The following DCC variants were observed in gnomAD, a reference collection of about 807,000 sequenced individuals.
DCC encodes the protein netrin receptor DCC.
DCC carries 58 observed loss-of-function variants against 172.5 expected under a neutral mutation model. The ratio of observed to expected loss-of-function variants is 0.34; its 90% CI spans 0.27 to 0.42. The LOEUF (loss-of-function observed/expected upper bound fraction) is 0.42. DCC is among the 10% of genes least tolerant of loss of function. DCC has a pLI of 1.00. For missense variants in DCC, 1,740 were observed against 1,791.0 expected (o/e 0.97, Z 0.51); for synonymous variants, 709 against 644.5 (o/e 1.10, Z -1.52).
chr18:53,238,958 A>G (rs537266674), intron 12 of DCC, among the ~76,000 whole-genome samples: 4 of 148,694 alleles, frequency 2.7e-5, no homozygotes, highest in East Asian at 2.1e-4. Flanking sequence ...AAAACCAAAC[A>G]TCGCATGTTC....
chr18:52,751,329 C>G (rs1420159835), intron 1 of DCC, among the ~76,000 whole-genome samples: 4 of 152,146 alleles, frequency 2.6e-5, no homozygotes, highest in Non-Finnish European at 5.9e-5. Context: ...TTCCTCCCCT[C>G]AAGATTCTTA....
At chr18:53,479,389 C>T (rs2045805704) in intron 25 of DCC, among the ~76,000 whole-genome samples, 1 of 152,154 alleles carries the variant, frequency 6.6e-6, no homozygotes, top group Non-Finnish European at 1.5e-5. Context: ...TGTGCGATGC[C>T]ATGGCTCTGT....
intron 2 of DCC, among the ~76,000 whole-genome samples, chr18:52,877,013 A>T (rs1042903711): frequency 6.6e-6 from 1 of 152,204 alleles, no homozygotes; most frequent in Non-Finnish European, 1.5e-5. Flanking sequence ...TGTCTAAAAT[A>T]TTGCATGGTA....
At chr18:52,489,665 C>T (rs1335551401) in intron 1 of DCC, among the ~76,000 whole-genome samples, 1 of 152,020 alleles carries the variant, frequency 6.6e-6, no homozygotes, top group Non-Finnish European at 1.5e-5. Flanking sequence ...TGTGTTAAGT[C>T]CCCACATTGT....
chr18:52,672,435 G>A (rs976831254), intron 1 of DCC, among the ~76,000 whole-genome samples: 1 of 152,064 alleles, frequency 6.6e-6, no homozygotes, highest in Non-Finnish European at 1.5e-5. Flanking sequence ...ATGGAAATGG[G>A]TAGAGAGAGA....
intron 1 of DCC, among the ~76,000 whole-genome samples, chr18:52,652,103 G>A (rs73465813): frequency 1.3e-5 from 2 of 152,104 alleles, no homozygotes; most frequent in African/African-American, 2.4e-5. Flanking sequence ...AGAACTAGGC[G>A]GTCTTGACAC....
At chr18:52,847,086 GTTA>G (rs2038906172) in intron 2 of DCC, among the ~76,000 whole-genome samples, 1 of 152,148 alleles carries the variant, frequency 6.6e-6, no homozygotes, top group Non-Finnish European at 1.5e-5. Context: ...GGAGCCCGTT[GTTA>G]TTCTCTTTTC....
In DCC at chr18:52,340,748, G is replaced by A. The variant is rs1983591047; in HGVS notation, c.-40G>A. On this transcript the variant is annotated 5_prime_UTR_variant, in exon 1 of 29. Transcript: ENST00000442544. ...TGAGTGCATGTGTGTGAGTGCTGCC[G>A]CTGCCCGCGACCCCTGGCCCCGAAG... is the stretch of plus-strand genomic sequence containing the variant. The A allele has an allele frequency of 2.0e-6, 3 of 1,502,856 alleles. No homozygotes were observed. Among genetic ancestry groups the A allele is most frequent in the Admixed American group, 3.3e-5 (2 of 59,874 alleles). The allele number at this position is 1,502,856 out of a possible 1,614,324, so 93.1% of individuals were successfully genotyped here.
At chr18:53,098,038 G>A (rs1335124349) in intron 7 of DCC, among the ~76,000 whole-genome samples, 1 of 152,084 alleles carries the variant, frequency 6.6e-6, no homozygotes, top group African/African-American at 2.4e-5. Flanking sequence ...GATTACATCA[G>A]TACCCTAAAA....
intron 12 of DCC, among the ~76,000 whole-genome samples, chr18:53,244,745 G>A (rs2056345709): frequency 6.6e-6 from 1 of 152,054 alleles, no homozygotes; most frequent in East Asian, 1.9e-4. Context: ...ATTACACAAA[G>A]CTATGGTTCA....
chr18:53,508,370 T>A (rs1465840871), intron 27 of DCC, among the ~76,000 whole-genome samples: 2 of 152,000 alleles, frequency 1.3e-5, no homozygotes, highest in Non-Finnish European at 2.9e-5. Context: ...TTTTTGTATT[T>A]TTTGCAGAGA....
At chr18:53,203,206 T>C (rs1449241091) in intron 9 of DCC, among the ~76,000 whole-genome samples, 1 of 37,698 alleles carries the variant, frequency 2.7e-5, no homozygotes, top group African/African-American at 9.0e-5. Flanking sequence ...TTCTCTTGTG[T>C]GTGTGTGTGT....
chr18:52,431,492 G>A (rs572956845), intron 1 of DCC, among the ~76,000 whole-genome samples: 44 of 152,056 alleles, frequency 2.9e-4, no homozygotes, highest in African/African-American at 1.0e-3. Flanking sequence ...TATTCAAAAG[G>A]GGAAAAATTC....
intron 15 of DCC, among the ~76,000 whole-genome samples, chr18:53,365,479 T>C (rs1244879019): frequency 6.6e-6 from 1 of 151,888 alleles, no homozygotes; most frequent in Non-Finnish European, 1.5e-5. Flanking sequence ...CAGCAAACTT[T>C]TTATTTTCTG....
At chr18:53,509,990 T>C (rs776586400) in intron 27 of DCC, among the ~76,000 whole-genome samples, 1 of 152,198 alleles carries the variant, frequency 6.6e-6, no homozygotes, top group Admixed American at 6.5e-5. Context: ...TTAGTTAAAT[T>C]AGTATTTATA....
rs115188836 is a variant in DCC at position 52,907,813 on chromosome 18, G to C, written c.697+1485G>C. ...TCCGGCAGTGGCAAAGACTGTCCCA[G>C]AGCCTGGCCCATTAGAGTTCTGGGT... On this transcript the variant is annotated intron_variant, in intron 3 of 28. Coordinates refer to ENST00000442544, the MANE Select transcript of DCC (RefSeq NM_005215.4). Among the ~76,000 whole-genome samples the C allele has an allele frequency of 2.1e-3, 316 of 152,234 alleles. 1 individual carries two copies. The highest frequency in any genetic ancestry group is 7.2e-3 in the African/African-American group (300 of 41,536).
At chr18:53,028,032 G>A (rs935662925) in intron 5 of DCC, among the ~76,000 whole-genome samples, 1 of 152,126 alleles carries the variant, frequency 6.6e-6, no homozygotes, top group African/African-American at 2.4e-5. Flanking sequence ...GGAACATTTA[G>A]CAGTAATCGC....
chr18:53,508,171 G>A (rs927665792), intron 27 of DCC, among the ~76,000 whole-genome samples: 2 of 151,624 alleles, frequency 1.3e-5, no homozygotes, highest in Admixed American at 6.6e-5. Flanking sequence ...GGGATTATAG[G>A]CATGAGCCAC....
chr18:53,219,997 TG>T (rs35580353), intron 12 of DCC, among the ~76,000 whole-genome samples: 56,562 of 151,874 alleles, frequency 0.37, 11,352 homozygotes, highest in Non-Finnish European at 0.45. Context: ...TGGATTTTGA[TG>T]GAAGTCTCTA....
Sources: gnomAD v4.1 joint callset for allele counts (sites outside exome capture counted in the v4.1 genomes callset) on GRCh38, gnomAD v4.1.1 for gene constraint, MANE v1.5 for transcripts, NCBI Gene and HGNC (gene_info 2026-07-23, HGNC 2026-07-21) for gene names.